The following THTPA variants were observed in gnomAD, a reference collection of about 807,000 sequenced individuals.
THTPA encodes the protein thiamine triphosphatase.
In THTPA, 16 loss-of-function variants were observed where a neutral mutation model predicts 16.5. The ratio of observed to expected loss-of-function variants is 0.97; its 90% CI spans 0.66 to 1.47. THTPA has a LOEUF of 1.47. Among genes scored for constraint, THTPA ranks in the 40% most tolerant of loss-of-function variants. The probability of loss-of-function intolerance (pLI) is 0.00; values close to 1 mark genes in which losing one functional copy is unlikely to be tolerated. For synonymous variants in THTPA, 110 were observed against 115.5 expected (o/e 0.95, Z 0.30); for missense variants, 281 against 280.9 (o/e 1.00, Z 0.00).
At chr14:23,526,621 G>A in the THTPA span, 3 of 1,535,870 alleles carry the variant, frequency 2.0e-6, no homozygotes, top group Non-Finnish European at 2.6e-6. Context: ...CCTCAACTGA[G>A]GCCAGGGGAG....
Position 23,560,106 on chromosome 14 carries a change from TG to T in THTPA, c.*1268del. ...GCTCAGGCAGCCCCTCTATACTCAG[TG>T]GCTCCACACCCTTTTCCTGTAACTC... On this transcript the variant is annotated 3_prime_UTR_variant, in exon 2 of 2. Coordinates refer to ENST00000288014, the MANE Select transcript of THTPA (RefSeq NM_024328.6). 7.1e-7 allele frequency: 1 copy of T among 1,399,074 alleles called. No individual in the cohort carries two copies. The highest frequency in any genetic ancestry group is 1.0e-6 in the Non-Finnish European group (1 of 1,004,900). The allele number at this position is 1,399,074 out of a possible 1,614,324, so 86.7% of individuals were successfully genotyped here.
At chr14:23,540,938 C>T in the THTPA span, among the ~76,000 whole-genome samples, 3 of 151,874 alleles carry the variant, frequency 2.0e-5, no homozygotes, top group African/African-American at 7.3e-5. Flanking sequence ...CAGAGTCTCG[C>T]TCTGTCACCC....
the THTPA span, chr14:23,524,767 A>G: frequency 6.5e-7 from 1 of 1,536,354 alleles, no homozygotes; most frequent in Non-Finnish European, 8.7e-7. This position sits in a 1 kb window ranked among gnomAD's most constrained non-coding sequence, Gnocchi z 5.6. Flanking sequence ...CTGGAGGTTC[A>G]AGGCCCTGTT....
At chr14:23,535,723 G>A in the THTPA span, among the ~76,000 whole-genome samples, 8 of 152,170 alleles carry the variant, frequency 5.3e-5, no homozygotes, top group Non-Finnish European at 1.2e-4. The surrounding 1 kb of genome is among the most constrained non-coding windows in gnomAD (Gnocchi z 4.5). Context: ...CTCCTGAGTA[G>A]CTGGGATTAC....
At chr14:23,544,562 T>C in the THTPA span, among the ~76,000 whole-genome samples, 1 of 152,198 alleles carries the variant, frequency 6.6e-6, no homozygotes, top group Non-Finnish European at 1.5e-5. Context: ...TGTACACGTG[T>C]GTGGGCCCTG....
chr14:23,533,141 C>T, the THTPA span: 14 of 1,465,056 alleles, frequency 9.6e-6, no homozygotes, highest in African/African-American at 2.8e-5. The surrounding 1 kb of genome is among the most constrained non-coding windows in gnomAD (Gnocchi z 4.8). Flanking sequence ...GGTTGGTTCT[C>T]TATGTGGGGA....
chr14:23,511,921 A>G, the THTPA span: 1 of 151,762 alleles, frequency 6.6e-6, no homozygotes, highest in African/African-American at 2.4e-5. Flanking sequence ...TTCCATGTCT[A>G]TTCTCCTCCT....
chr14:23,557,200 C>G lies in THTPA; in HGVS notation c.443C>G (p.Thr148Arg), dbSNP rs1374818172. Residue 148 changes from threonine (T) to arginine (R), a missense_variant, in exon 1 of 2, where the codon ACA becomes AGA. Physicochemically the swap from Thr to Arg is moderately conservative, Grantham distance 71 (BLOSUM62 -1). Coordinates refer to ENST00000288014, the MANE Select transcript of THTPA (RefSeq NM_024328.6). ...CCACAGCTCAGGGTGGACTTGGATA[C>G]AGCCGACTTTGGCTACGCTGTGGGT... is the stretch of plus-strand genomic sequence containing the variant. ...EEPQLRVDLDTADFGYAVGEV... is the reference protein window; with the variant it reads ...EEPQLRVDLDRADFGYAVGEV... 19 of 1,613,970 alleles carry G rather than the reference C, an allele frequency of 1.2e-5. No individual in the cohort carries two copies. Among genetic ancestry groups the G allele is most frequent in the Non-Finnish European group, 1.4e-5 (17 of 1,180,030 alleles).
chr14:23,521,147 G>A, the THTPA span: 3 of 152,334 alleles, frequency 2.0e-5, no homozygotes, highest in Non-Finnish European at 4.4e-5. Flanking sequence ...TTGAGAATAA[G>A]TTACTGCAGT....
chr14:23,524,262 C>A, the THTPA span: 5 of 1,536,388 alleles, frequency 3.3e-6, no homozygotes, highest in Non-Finnish European at 3.5e-6. The surrounding 1 kb of genome is among the most constrained non-coding windows in gnomAD (Gnocchi z 5.6). Context: ...TTGAGCCCCA[C>A]CTCCTCGGAG....
At chr14:23,529,340 C>G in the THTPA span, 1 of 239,374 alleles carries the variant, frequency 4.2e-6, no homozygotes, top group Non-Finnish European at 8.2e-6. Flanking sequence ...GGTGTCTTGT[C>G]TTTCTGCTCC....
chr14:23,520,792 A>C, the THTPA span: 7 of 135,564 alleles, frequency 5.2e-5, no homozygotes, highest in Admixed American at 5.1e-4. The surrounding 1 kb of genome is among the most constrained non-coding windows in gnomAD (Gnocchi z 8.7). Context: ...GAAACCCTTA[A>C]ACCGGGGGGG....
At chr14:23,516,368 G>C in the THTPA span, among the ~76,000 whole-genome samples, 2 of 152,206 alleles carry the variant, frequency 1.3e-5, no homozygotes, top group Non-Finnish European at 2.9e-5. Flanking sequence ...GGATATGTTT[G>C]TTGTGGGGTG....
the THTPA span, among the ~76,000 whole-genome samples, chr14:23,544,678 G>A: frequency 6.6e-6 from 1 of 152,226 alleles, no homozygotes; most frequent in African/African-American, 2.4e-5. Context: ...TAATTACTGG[G>A]ATGGCCCAGC....
the THTPA span, among the ~76,000 whole-genome samples, chr14:23,550,845 G>C: frequency 3.3e-5 from 5 of 151,546 alleles, no homozygotes; most frequent in Non-Finnish European, 5.9e-5. Flanking sequence ...GCCCCAGCGC[G>C]CTAGCCCATC....
the THTPA span, chr14:23,537,903 C>T: frequency 6.6e-6 from 1 of 152,306 alleles, no homozygotes; most frequent in East Asian, 1.9e-4. Flanking sequence ...AGGCCCTGTC[C>T]TGGGCCCTGC....
At chr14:23,527,573 G>C in the THTPA span, 1 of 1,535,876 alleles carries the variant, frequency 6.5e-7, no homozygotes, top group Non-Finnish European at 8.7e-7. Flanking sequence ...ATAAGGTCTT[G>C]TTGTACCGTC....
chr14:23,525,627 C>T, the THTPA span: 1 of 1,535,720 alleles, frequency 6.5e-7, no homozygotes, highest in African/African-American at 1.4e-5. This position sits in a 1 kb window ranked among gnomAD's most constrained non-coding sequence, Gnocchi z 5.9. Context: ...GCTTTGGCTG[C>T]AGTGCGGGCA....
chr14:23,524,058 C>T, the THTPA span: 1 of 1,516,454 alleles, frequency 6.6e-7, no homozygotes, highest in Admixed American at 2.0e-5. This position sits in a 1 kb window ranked among gnomAD's most constrained non-coding sequence, Gnocchi z 5.6. Context: ...GCAGGTGCTT[C>T]CCTCTTTGGG....
Sources: gnomAD v4.1 joint callset for allele counts (sites outside exome capture counted in the v4.1 genomes callset) on GRCh38, gnomAD v4.1.1 for gene constraint, Gnocchi (gnomAD v3.1) non-coding constraint, MANE v1.5 for transcripts, NCBI Gene and HGNC (gene_info 2026-07-23, HGNC 2026-07-21) for gene names.